Variants in FAM81A observed in about 807,000 individuals in gnomAD.
The protein encoded by FAM81A is protein FAM81A.
FAM81A carries 19 observed loss-of-function variants against 46.7 expected under a neutral mutation model. That is an observed-to-expected ratio of 0.41 (90% confidence interval 0.28 to 0.60). The LOEUF is 0.60. Ranked by LOEUF, FAM81A falls within the 20% of genes least tolerant of loss-of-function variation. The pLI, the probability that FAM81A is intolerant of heterozygous loss-of-function variation, is 0.34. For synonymous variants in FAM81A, 183 were observed against 152.9 expected (o/e 1.20, Z -1.45); for missense variants, 377 against 453.5 (o/e 0.83, Z 1.53).
chr15:59,503,744 T>C (rs1485527884), intron 4 of FAM81A, among the ~76,000 whole-genome samples: 2 of 152,120 alleles, frequency 1.3e-5, no homozygotes, highest in Non-Finnish European at 2.9e-5. Flanking sequence ...AGCTAATTTT[T>C]GTATTTTTAG....
At chr15:59,408,130 C>A in intron 2 of FAM81A, 1 of 157,396 alleles carries the variant, frequency 6.4e-6, no homozygotes, top group South Asian at 1.7e-4. Context: ...ACCTTCTTCC[C>A]CTTGGCCTTC....
At chr15:59,450,240 T>G (rs1220183500) in intron 1 of FAM81A, among the ~76,000 whole-genome samples, 1 of 152,026 alleles carries the variant, frequency 6.6e-6, no homozygotes, top group East Asian at 1.9e-4. Context: ...GCTAATTCAT[T>G]TATTTTCAAT....
At chr15:59,479,205 G>A (rs371362266) in intron 3 of FAM81A, among the ~76,000 whole-genome samples, 29 of 152,214 alleles carry the variant, frequency 1.9e-4, no homozygotes, top group African/African-American at 6.3e-4. Flanking sequence ...GAGAGTGACT[G>A]TGTGGCTGTC....
intron 2 of FAM81A, among the ~76,000 whole-genome samples, chr15:59,425,599 G>A (rs1326066643): frequency 6.6e-6 from 1 of 151,936 alleles, no homozygotes; most frequent in Non-Finnish European, 1.5e-5. Context: ...TAGTAAAATA[G>A]GCTTTGCCTT....
chr15:59,457,809 A>G (rs543593726), intron 1 of FAM81A, among the ~76,000 whole-genome samples: 48 of 152,346 alleles, frequency 3.2e-4, no homozygotes, highest in African/African-American at 1.1e-3. Flanking sequence ...TTAATTATGG[A>G]ATCAGATCAT....
At chr15:59,431,830 T>C (rs2081221716) in intron 2 of FAM81A, among the ~76,000 whole-genome samples, 1 of 152,216 alleles carries the variant, frequency 6.6e-6, no homozygotes, top group Non-Finnish European at 1.5e-5. Context: ...GAAAAAGCTG[T>C]TTCCTGAGTC....
intron 2 of FAM81A, among the ~76,000 whole-genome samples, chr15:59,459,203 T>C (rs2081520260): frequency 6.6e-6 from 1 of 152,160 alleles, no homozygotes; most frequent in Non-Finnish European, 1.5e-5. Context: ...TCTCGTTGTG[T>C]TGCCCAGGCT....
chr15:59,506,838 T>A (rs1370232017), intron 4 of FAM81A, among the ~76,000 whole-genome samples: 1 of 152,162 alleles, frequency 6.6e-6, no homozygotes, highest in Admixed American at 6.5e-5. Flanking sequence ...TGGTAGAAGT[T>A]TCCTCCCAAA....
At chr15:59,493,351 G>A (rs1402966794) in intron 4 of FAM81A, among the ~76,000 whole-genome samples, 2 of 152,096 alleles carry the variant, frequency 1.3e-5, no homozygotes, top group African/African-American at 4.8e-5. Flanking sequence ...GATTGGATGG[G>A]GAACAGGTTG....
At chr15:59,495,084 G>A (rs907624921) in intron 4 of FAM81A, among the ~76,000 whole-genome samples, 4 of 152,250 alleles carry the variant, frequency 2.6e-5, no homozygotes, top group East Asian at 1.9e-4. Context: ...ACACAATTCA[G>A]TGATTTTTAG....
chr15:59,423,487 G>A (rs1215909408), intron 2 of FAM81A, among the ~76,000 whole-genome samples: 1 of 152,144 alleles, frequency 6.6e-6, no homozygotes, highest in Non-Finnish European at 1.5e-5. Flanking sequence ...CAGAGTTATC[G>A]CTTGGCTGAG....
intron 1 of FAM81A, among the ~76,000 whole-genome samples, chr15:59,455,337 C>T (rs1425434288): frequency 6.6e-6 from 1 of 151,710 alleles, no homozygotes; most frequent in Non-Finnish European, 1.5e-5. Flanking sequence ...AATCACTGCA[C>T]AATCAAAACA....
intron 8 of FAM81A, 48 bp downstream of exon 8, chr15:59,516,888 T>C (rs1567079860): frequency 1.3e-6 from 2 of 1,483,722 alleles, no homozygotes; most frequent in Non-Finnish European, 1.8e-6. Flanking sequence ...CTGTTTGTTC[T>C]AAAACCTATT....
intron 3 of FAM81A, among the ~76,000 whole-genome samples, chr15:59,470,595 G>A (rs1354988746): frequency 2.0e-5 from 3 of 152,248 alleles, no homozygotes; most frequent in South Asian, 4.1e-4. Flanking sequence ...ATTCCAGTTA[G>A]CCATTCATCT....
At chr15:59,442,162 A>G (rs1260829329) in intron 1 of FAM81A, among the ~76,000 whole-genome samples, 6 of 152,082 alleles carry the variant, frequency 3.9e-5, no homozygotes, top group African/African-American at 7.2e-5. Flanking sequence ...AGGTACTTCA[A>G]ATCTATATTT....
intron 2 of FAM81A, among the ~76,000 whole-genome samples, chr15:59,432,784 A>G (rs971712837): frequency 2.6e-5 from 4 of 152,274 alleles, no homozygotes; most frequent in African/African-American, 9.6e-5. Context: ...GGCAAAATTT[A>G]AGGTGCGACA....
At chr15:59,455,559 A>C (rs1175762395) in intron 1 of FAM81A, among the ~76,000 whole-genome samples, 1 of 152,226 alleles carries the variant, frequency 6.6e-6, no homozygotes, top group Non-Finnish European at 1.5e-5. Flanking sequence ...ACGTTCTGGC[A>C]AAGAATCGTG....
upstream of FAM81A, chr15:59,438,167 C>T (rs1479380434): frequency 2.7e-5 from 4 of 146,228 alleles, no homozygotes; most frequent in Admixed American, 2.0e-4. Context: ...TTGGACGGCG[C>T]TCCCCGCGGC....
intron 4 of FAM81A, among the ~76,000 whole-genome samples, chr15:59,502,010 T>C (rs1370872282): frequency 3.3e-5 from 5 of 151,936 alleles, no homozygotes; most frequent in African/African-American, 1.2e-4. Context: ...AATATATTTT[T>C]ATTTTGAAAT....
Sources: allele counts gnomAD v4.1 joint callset (sites outside exome capture counted in the v4.1 genomes callset), GRCh38; gene constraint gnomAD v4.1.1; transcripts MANE v1.5; gene names NCBI Gene and HGNC (gene_info 2026-07-23, HGNC 2026-07-21).